CLDN16: variants seen among roughly 807,000 people sequenced by gnomAD.
CLDN16 encodes claudin-16.
A neutral mutation model predicts 24.6 loss-of-function variants in CLDN16; 13 were observed. That is an observed-to-expected ratio of 0.53 (90% CI 0.34 to 0.84). The LOEUF is 0.84. Ranked by LOEUF, CLDN16 falls within the 40% of genes least tolerant of loss-of-function variation. The pLI is 0.01. For synonymous variants in CLDN16, 116 were observed against 106.7 expected (o/e 1.09, Z -0.54); for missense variants, 298 against 292.7 (o/e 1.02, Z -0.13).
At chr3:190,350,365 T>TATATATATATATATAC (rs1318369050) in intron 1 of CLDN16, among the ~76,000 whole-genome samples, 39 of 148,664 alleles carry the variant, frequency 2.6e-4, no homozygotes, top group Non-Finnish European at 5.2e-4. Context: ...TATATATATA[T>TATATATATATATATAC]ACTTTATTAT....
chr3:190,306,977 G>A, the CLDN16 span: 6 of 152,660 alleles, frequency 3.9e-5, no homozygotes, highest in Admixed American at 6.5e-5. Context: ...ATGAAGGTAC[G>A]TGTGTAGGTT....
upstream of CLDN16, among the ~76,000 whole-genome samples, chr3:190,321,656 A>G (rs922198152): frequency 3.3e-5 from 5 of 152,164 alleles, no homozygotes; most frequent in Non-Finnish European, 7.4e-5. Flanking sequence ...AAATCTCGGA[A>G]TGCCTAGGAG....
intron 1 of CLDN16, among the ~76,000 whole-genome samples, chr3:190,343,873 G>A (rs778524534): frequency 1.8e-4 from 28 of 152,008 alleles, no homozygotes; most frequent in Non-Finnish European, 3.5e-4. Flanking sequence ...AACGTAGGAT[G>A]AACAAGTTGA....
chr3:190,359,401 G>A (rs1253569636), intron 1 of CLDN16, among the ~76,000 whole-genome samples: 1 of 152,012 alleles, frequency 6.6e-6, no homozygotes, highest in East Asian at 1.9e-4. Context: ...CTATGTAAGT[G>A]TTCAGTAAAC....
intron 3 of CLDN16, 98 bp from the exon 4 acceptor site, chr3:190,408,216 C>A: frequency 8.2e-7 from 1 of 1,212,620 alleles, no homozygotes; most frequent in Non-Finnish European, 1.2e-6. Flanking sequence ...TTTTACCTCT[C>A]TGAATCACGC....
At chr3:190,324,356 G>A (rs572164435) in intron 1 of CLDN16, among the ~76,000 whole-genome samples, 8 of 152,196 alleles carry the variant, frequency 5.3e-5, no homozygotes, top group South Asian at 4.1e-4. Flanking sequence ...GGTGGTGGGC[G>A]CCTGTAATTC....
At chr3:190,298,538 C>T in the CLDN16 span, among the ~76,000 whole-genome samples, 1 of 150,876 alleles carries the variant, frequency 6.6e-6, no homozygotes, top group Admixed American at 6.6e-5. Flanking sequence ...TCACGGCAAC[C>T]TCCGCCTCCT....
At chr3:190,345,300 A>T (rs1160666174) in intron 1 of CLDN16, among the ~76,000 whole-genome samples, 1 of 152,046 alleles carries the variant, frequency 6.6e-6, no homozygotes, top group Non-Finnish European at 1.5e-5. Context: ...GATATTTCTC[A>T]GTTTAGGGAC....
chr3:190,400,868 C>T (rs2108668827), intron 1 of CLDN16, among the ~76,000 whole-genome samples: 1 of 152,180 alleles, frequency 6.6e-6, no homozygotes, highest in African/African-American at 2.4e-5. Flanking sequence ...GTTTTAAACA[C>T]ACTGCAATGC....
intron 1 of CLDN16, among the ~76,000 whole-genome samples, chr3:190,346,746 T>C (rs1432657706): frequency 6.6e-6 from 1 of 152,180 alleles, no homozygotes; most frequent in Non-Finnish European, 1.5e-5. Context: ...TAGTGGTTAC[T>C]CACAATCCCT....
At chr3:190,364,705 A>G (rs1717980515) in intron 1 of CLDN16, among the ~76,000 whole-genome samples, 1 of 151,922 alleles carries the variant, frequency 6.6e-6, no homozygotes, top group Admixed American at 6.6e-5. Context: ...GAACTTTCGA[A>G]GAGCCCTTTA....
At chr3:190,324,360 G>A (rs1404150652) in intron 1 of CLDN16, among the ~76,000 whole-genome samples, 2 of 152,108 alleles carry the variant, frequency 1.3e-5, no homozygotes, top group East Asian at 1.9e-4. Flanking sequence ...GTGGGCGCCT[G>A]TAATTCCAGC....
At chr3:190,385,238 G>C (rs1180499734), upstream of CLDN16, among the ~76,000 whole-genome samples, 2 of 152,158 alleles carry the variant, frequency 1.3e-5, no homozygotes, top group Admixed American at 6.6e-5. Context: ...GAATGCAAAA[G>C]AGATGTGTCT....
intron 1 of CLDN16, among the ~76,000 whole-genome samples, chr3:190,335,549 C>T (rs1011229764): frequency 6.6e-6 from 1 of 151,714 alleles, no homozygotes; most frequent in South Asian, 2.1e-4. Flanking sequence ...CCTGTCTCTA[C>T]TAAAATACAA....
intron 1 of CLDN16, among the ~76,000 whole-genome samples, chr3:190,363,569 T>TATATATAC (rs1717951553): frequency 1.6e-5 from 2 of 128,888 alleles, no homozygotes; most frequent in African/African-American, 2.9e-5. Flanking sequence ...TATATATATA[T>TATATATAC]ATATATATAT....
the CLDN16 span, among the ~76,000 whole-genome samples, chr3:190,301,489 G>C: frequency 1.0e-5 from 1 of 98,888 alleles, no homozygotes; most frequent in Non-Finnish European, 2.0e-5. Flanking sequence ...ATGAGACTCT[G>C]TCTCAAAAAA....
At chr3:190,292,104 G>C in the CLDN16 span, among the ~76,000 whole-genome samples, 3 of 152,098 alleles carry the variant, frequency 2.0e-5, no homozygotes, top group South Asian at 4.1e-4. Flanking sequence ...CTCTGTGTGG[G>C]GCCTCCAACC....
the CLDN16 span, among the ~76,000 whole-genome samples, chr3:190,300,549 G>C: frequency 1.3e-5 from 2 of 152,156 alleles, no homozygotes; most frequent in African/African-American, 4.8e-5. Context: ...TTCGAAGAAC[G>C]ATACAAGCGA....
the CLDN16 span, among the ~76,000 whole-genome samples, chr3:190,309,985 C>T: frequency 6.6e-6 from 1 of 152,150 alleles, no homozygotes; most frequent in East Asian, 1.9e-4. Flanking sequence ...GTCATCAATA[C>T]AGGGTGTTAA....
Sources: allele counts gnomAD v4.1 joint callset (sites outside exome capture counted in the v4.1 genomes callset), GRCh38; gene constraint gnomAD v4.1.1; transcripts MANE v1.5; gene names NCBI Gene and HGNC (gene_info 2026-07-23, HGNC 2026-07-21).